Variants in RARS2 observed in about 807,000 individuals in gnomAD.
RARS2 encodes arginyl-tRNA synthetase 2, mitochondrial, also known as probable arginine--tRNA ligase, mitochondrial.
A neutral mutation model predicts 88.5 loss-of-function variants in RARS2; 67 were observed. That is an observed-to-expected ratio of 0.76 (90% confidence interval 0.62 to 0.93). The LOEUF is 0.93. Among genes scored for constraint, RARS2 ranks in the 40% least tolerant of loss-of-function variants. The pLI is 0.00. For synonymous variants in RARS2, 239 were observed against 230.3 expected (o/e 1.04, Z -0.34); for missense variants, 664 against 684.2 (o/e 0.97, Z 0.33).
At chr6:87,548,483 C>G in intron 6 of RARS2, 108 bp downstream of exon 6, 2 of 1,119,508 alleles carry the variant, frequency 1.8e-6, no homozygotes, top group Non-Finnish European at 2.6e-6. Context: ...TAAATTTAAA[C>G]TTTTTGTTTT....
intron 8 of RARS2, among the ~76,000 whole-genome samples, chr6:87,541,343 A>G (rs1780885795): frequency 6.6e-6 from 1 of 151,998 alleles, no homozygotes; most frequent in African/African-American, 2.4e-5. Context: ...TGCCTGGCTA[A>G]TATTTTATTA....
At chr6:87,576,095 C>CGGCCA (rs1272053470) in intron 1 of RARS2, among the ~76,000 whole-genome samples, 38 of 124,946 alleles carry the variant, frequency 3.0e-4, no homozygotes, top group Admixed American at 5.4e-4. Flanking sequence ...CCAATGCGCC[C>CGGCCA]AGCTGGATAA....
At chr6:87,518,348 T>C in intron 16 of RARS2, 84 bp from the exon 17 acceptor site, 1 of 1,601,694 alleles carries the variant, frequency 6.2e-7, no homozygotes, top group East Asian at 2.2e-5. Context: ...AACATGACCT[T>C]ATAATACACA....
chr6:87,531,669 A>G (rs1777575610), intron 8 of RARS2, among the ~76,000 whole-genome samples: 1 of 152,182 alleles, frequency 6.6e-6, no homozygotes, highest in South Asian at 2.1e-4. Context: ...TACTCAGCCA[A>G]GAACTAGGGT....
rs200180732 is a variant in RARS2 at position 87,534,359 on chromosome 6, TCTC to T, written c.613-3420_613-3418del. ...TCCATTAATCTTTTCATATTTAGAA[TCTC>T]CTACTTTTACTCTATGTATATACAT... On this transcript the variant is annotated intron_variant, in intron 8 of 19. Coordinates refer to ENST00000369536, the MANE Select transcript of RARS2 (RefSeq NM_020320.5). 5.8e-3 allele frequency among the ~76,000 whole-genome samples: 889 copies of T among 152,298 alleles called. 5 individuals carry two copies. The highest frequency in any genetic ancestry group is 0.019 in the African/African-American group (772 of 41,566).
rs189650306 is a variant in RARS2, at chr6:87,585,880, T to C, written c.36+4042A>G. Among the ~76,000 whole-genome samples, 382 of 152,250 alleles carry C rather than the reference T, an allele frequency of 2.5e-3. 2 individuals are homozygous for C. The highest frequency in any genetic ancestry group is 8.8e-3 in the African/African-American group (367 of 41,542). ...TCATCGTGCATAAAGAGTGATAGTA[T>C]AAAATGCATTTCTTTTAGGCACAAG... On this transcript the variant is annotated intron_variant, in intron 1 of 19. Transcript: ENST00000369536.
chr6:87,544,600 T>C (rs1782029622), intron 7 of RARS2, among the ~76,000 whole-genome samples: 4 of 152,200 alleles, frequency 2.6e-5, no homozygotes, highest in Admixed American at 1.3e-4. Context: ...CACATGGTGG[T>C]AACAACAGAT....
At chr6:87,589,387 T>C (rs1776269726) in intron 1 of RARS2, among the ~76,000 whole-genome samples, 1 of 152,192 alleles carries the variant, frequency 6.6e-6, no homozygotes. Context: ...TATTGCAATT[T>C]TGTAAGCCCT....
At chr6:87,576,492 G>A (rs1406504379) in intron 1 of RARS2, among the ~76,000 whole-genome samples, 5,832 of 72,188 alleles carry the variant, frequency 0.081, 477 homozygotes, top group Admixed American at 0.1. Flanking sequence ...TAGCCAGGAT[G>A]GTCTCGATCT....
At chr6:87,540,790 G>T (rs2128103924) in intron 8 of RARS2, among the ~76,000 whole-genome samples, 1 of 152,244 alleles carries the variant, frequency 6.6e-6, no homozygotes, top group East Asian at 1.9e-4. Flanking sequence ...AGGAAGAACT[G>T]AAGATAAAGA....
intron 1 of RARS2, among the ~76,000 whole-genome samples, chr6:87,583,542 T>C (rs1381633699): frequency 6.6e-6 from 1 of 151,620 alleles, no homozygotes; most frequent in African/African-American, 2.4e-5. Flanking sequence ...TGAGCCGAGA[T>C]TGTGCCATTG....
chr6:87,584,699 T>C (rs1374741457), intron 1 of RARS2: 1 of 469,002 alleles, frequency 2.1e-6, no homozygotes, highest in Non-Finnish European at 4.3e-6. Context: ...AGAAAGCAGC[T>C]GACAAACCCA....
At chr6:87,545,747 T>G in intron 6 of RARS2, 48 bp from the exon 7 acceptor site, 1 of 1,594,062 alleles carries the variant, frequency 6.3e-7, no homozygotes, top group South Asian at 1.1e-5. Context: ...TATCCATTTT[T>G]TGACATAAGA....
chr6:87,542,265 G>C (rs1781234001), intron 7 of RARS2, among the ~76,000 whole-genome samples: 1 of 152,014 alleles, frequency 6.6e-6, no homozygotes, highest in East Asian at 1.9e-4. Context: ...GTAAAGTCTA[G>C]GACTAATTTA....
chr6:87,520,258 T>G lies in RARS2; in HGVS notation c.1036-2A>C. 1 of 1,596,696 alleles carries G rather than the reference T, an allele frequency of 6.3e-7. No individual in the cohort carries two copies. Among genetic ancestry groups the G allele is most frequent in the Non-Finnish European group, 8.6e-7 (1 of 1,165,092 alleles). ...ATGCTTTTTTTGTCCTTTATCTGTC[T>G]TGGGAAGAAAATATATATAAAATAA... On this transcript the variant is annotated splice_acceptor_variant, in intron 12 of 19. Coordinates refer to ENST00000369536, the MANE Select transcript of RARS2 (RefSeq NM_020320.5). LOFTEE classifies it high-confidence loss of function.
intron 1 of RARS2, among the ~76,000 whole-genome samples, chr6:87,585,309 T>TTATAGAGGAAACTGCCAGA (rs1484079529): frequency 1.3e-5 from 2 of 152,176 alleles, no homozygotes; most frequent in African/African-American, 4.8e-5. Flanking sequence ...TTCATGAAGC[T>TTATAGAGGAAACTGCCAGA]TATAGAGGAA....
chr6:87,515,054 A>G (rs777864396), intron 18 of RARS2, 34 bp from the exon 19 acceptor site: 2 of 1,534,590 alleles, frequency 1.3e-6, no homozygotes, highest in Non-Finnish European at 1.8e-6. Context: ...CGATAGTACC[A>G]GCAGTAATTT....
chr6:87,550,223 T>A (rs1166740063), intron 5 of RARS2, among the ~76,000 whole-genome samples: 1 of 152,188 alleles, frequency 6.6e-6, no homozygotes, highest in African/African-American at 2.4e-5. Context: ...CTTCTGCCTT[T>A]AAATAATCAG....
At chr6:87,556,790 CAA>C (rs71018038) in intron 4 of RARS2, among the ~76,000 whole-genome samples, 1 of 77,016 alleles carries the variant, frequency 1.3e-5, no homozygotes, top group Non-Finnish European at 2.3e-5. Context: ...GACTCTGTCT[CAA>C]AAAAAAAAAA....
Sources: gnomAD v4.1 joint callset for allele counts (sites outside exome capture counted in the v4.1 genomes callset) on GRCh38, gnomAD v4.1.1 for gene constraint, MANE v1.5 for transcripts, NCBI Gene and HGNC (gene_info 2026-07-23, HGNC 2026-07-21) for gene names.